The following CHMP3 variants were observed in gnomAD, a reference collection of about 807,000 sequenced individuals.
CHMP3 encodes charged multivesicular body protein 3.
In CHMP3, 8 loss-of-function variants were observed where a neutral mutation model predicts 27.4. That is an observed-to-expected ratio of 0.29 (90% confidence interval 0.17 to 0.53). CHMP3 has a LOEUF of 0.53. Among genes scored for constraint, CHMP3 ranks in the 20% least tolerant of loss-of-function variants. CHMP3 has a pLI of 0.96. For synonymous variants in CHMP3, 86 were observed against 85.5 expected, an observed-to-expected ratio of 1.01 and a Z score of -0.03; for missense variants, 208 against 271.5, an observed-to-expected ratio of 0.77 and a Z score of 1.64.
At chr2:86,546,912 T>C (rs1350681683) in intron 1 of CHMP3, among the ~76,000 whole-genome samples, 2 of 152,228 alleles carry the variant, frequency 1.3e-5, no homozygotes, top group Admixed American at 1.3e-4. Context: ...TTGCAAATAT[T>C]TTCTCCCATT....
At chr2:86,543,810 A>T (rs1226010144) in intron 1 of CHMP3, among the ~76,000 whole-genome samples, 3 of 152,244 alleles carry the variant, frequency 2.0e-5, no homozygotes, top group African/African-American at 7.2e-5. Context: ...CTGTGTGGTC[A>T]TACAAGTTTT....
intron 3 of CHMP3, among the ~76,000 whole-genome samples, chr2:86,527,734 G>T (rs774859634): frequency 1.3e-5 from 2 of 152,152 alleles, no homozygotes; most frequent in Non-Finnish European, 2.9e-5. Flanking sequence ...GCCGAGGAAG[G>T]TAGATCACCT....
intron 1 of CHMP3, among the ~76,000 whole-genome samples, chr2:86,547,822 C>G (rs895261806): frequency 1.1e-4 from 16 of 152,092 alleles, no homozygotes; most frequent in Non-Finnish European, 7.4e-5. Context: ...CAGAACATAA[C>G]GTGTACAGAA....
rs374830307 is a variant in CHMP3, at chr2:86,535,917, A to C, written c.106+6335T>G. Among the ~76,000 whole-genome samples, 12 of 152,322 alleles carry C rather than the reference A, an allele frequency of 7.9e-5. No homozygotes were observed. The East Asian group carries it at 1.7e-3, about 22-fold the overall frequency. ...TGTTACATTTAGGCACTATGTGTCC[A>C]AAAACAGACTACCTTTTATTTCTTA... On this transcript the variant is annotated intron_variant, in intron 2 of 5. Coordinates refer to ENST00000263856, the MANE Select transcript of CHMP3 (RefSeq NM_016079.4).
At chr2:86,531,369 CTTT>C (rs921872392) in intron 2 of CHMP3, among the ~76,000 whole-genome samples, 5 of 152,010 alleles carry the variant, frequency 3.3e-5, no homozygotes, top group Admixed American at 6.6e-5. Context: ...TTTGTCTACT[CTTT>C]TTTATTTTTT....
At chr2:86,548,495 G>A (rs1259659674) in intron 1 of CHMP3, among the ~76,000 whole-genome samples, 3 of 152,068 alleles carry the variant, frequency 2.0e-5, no homozygotes, top group Admixed American at 6.5e-5. Flanking sequence ...CAGAGAGCAC[G>A]GGGTTGGGGG....
chr2:86,506,626 C>CTTTT (rs973270185), intron 5 of CHMP3, among the ~76,000 whole-genome samples: 3 of 131,308 alleles, frequency 2.3e-5, no homozygotes, highest in Admixed American at 7.7e-5. Context: ...TGTTTCGAAC[C>CTTTT]TTTTTTTTTT....
chr2:86,522,706 C>T (rs545865497), intron 3 of CHMP3, among the ~76,000 whole-genome samples: 1 of 152,300 alleles, frequency 6.6e-6, no homozygotes, highest in South Asian at 2.1e-4. Context: ...ATTCCATTCC[C>T]CTACTCCACT....
intron 2 of CHMP3, among the ~76,000 whole-genome samples, chr2:86,530,141 C>T (rs538158308): frequency 2.6e-4 from 40 of 152,202 alleles, no homozygotes; most frequent in African/African-American, 9.4e-4. Flanking sequence ...TACAAGCACC[C>T]ACCACGATGC....
chr2:86,523,602 T>C (rs1573255778), intron 3 of CHMP3, among the ~76,000 whole-genome samples: 1 of 152,132 alleles, frequency 6.6e-6, no homozygotes, highest in Admixed American at 6.6e-5. Flanking sequence ...GCTCAGTCTA[T>C]ATGCCTGAAA....
rs560697109 is a variant in CHMP3 at position 86,511,527 on chromosome 2, ATTACTTTTATAAAT to A, written c.287-1062_287-1049del. 1.2e-3 allele frequency: 187 copies of A among 151,902 alleles called. 1 individual carries two copies. Among genetic ancestry groups the A allele is most frequent in the African/African-American group, 4.1e-3 (171 of 41,524 alleles). The allele number at this position is 151,902 out of a possible 1,614,324, so 9.4% of individuals were successfully genotyped here. On this transcript the variant is annotated intron_variant, in intron 3 of 5. Transcript: ENST00000263856. ...CCATTAAAATGATAAAAAAGTTATA[ATTACTTTTATAAAT>A]TTACTTTTATAAATTTATAAAATTT...
At chr2:86,529,443 A>G (rs779085199) in intron 2 of CHMP3, 46 bp from the exon 3 acceptor site, 1 of 1,506,440 alleles carries the variant, frequency 6.6e-7, no homozygotes, top group East Asian at 2.4e-5. Flanking sequence ...AGTCAGGTTT[A>G]TTGGCACTCA....
intron 1 of CHMP3, among the ~76,000 whole-genome samples, chr2:86,547,862 T>C (rs1340379741): frequency 6.6e-6 from 1 of 152,192 alleles, no homozygotes; most frequent in Admixed American, 6.5e-5. Context: ...TTAGACAATA[T>C]ATTTGAAAAC....
In CHMP3 at chr2:86,539,276, T is replaced by C. The variant is rs78254078; in HGVS notation, c.106+2976A>G. On this transcript the variant is annotated intron_variant, in intron 2 of 5. Transcript: ENST00000263856. Reference sequence around the variant, plus strand: ...CCCCTTTTTTGGTATCACCATCAAGTAGTGAAGTCTCTACTGCATGCCAGG... The same window carrying C: ...CCCCTTTTTTGGTATCACCATCAAGCAGTGAAGTCTCTACTGCATGCCAGG... Among the ~76,000 whole-genome samples, 1,052 of 152,240 alleles carry C rather than the reference T, an allele frequency of 6.9e-3. 21 individuals are homozygous for C. The highest frequency in any genetic ancestry group is 0.05 in the South Asian group (241 of 4,826).
At chr2:86,526,661 GCTCT>G (rs140412089) in intron 3 of CHMP3, among the ~76,000 whole-genome samples, 24 of 150,948 alleles carry the variant, frequency 1.6e-4, no homozygotes, top group East Asian at 7.8e-4. Flanking sequence ...ACTAGAGCAT[GCTCT>G]CTCTCTCTCT....
chr2:86,545,485 C>T (rs1267099363), intron 1 of CHMP3, among the ~76,000 whole-genome samples: 1 of 141,442 alleles, frequency 7.1e-6, no homozygotes, highest in Non-Finnish European at 1.5e-5. Flanking sequence ...AGAGGCGCTC[C>T]TCACATCCCA....
At chr2:86,546,596 C>T (rs945904153) in intron 1 of CHMP3, among the ~76,000 whole-genome samples, 2 of 152,038 alleles carry the variant, frequency 1.3e-5, no homozygotes, top group African/African-American at 4.8e-5. Context: ...CACCACCACA[C>T]CTGGCTAATT....
At position 86,535,651 on chromosome 2, in the gene CHMP3, C is replaced by T. The variant is rs370428077; in HGVS notation, c.107-6254G>A. ...CCTCCACAGTAGTTGCTATTACAGG[C>T]GCGCACCACACGCCCAGCTAATTTT... is the stretch of plus-strand genomic sequence containing the variant. On this transcript the variant is annotated intron_variant, in intron 2 of 5. Transcript: ENST00000263856. 9.9e-5 allele frequency among the ~76,000 whole-genome samples: 15 copies of T among 152,200 alleles called. 1 individual carries two copies. The South Asian group carries it at 1.0e-3, about 11-fold the overall frequency.
chr2:86,536,160 T>C (rs1349218645), intron 2 of CHMP3, among the ~76,000 whole-genome samples: 2 of 151,000 alleles, frequency 1.3e-5, no homozygotes, highest in Non-Finnish European at 3.0e-5. Flanking sequence ...TACGCCCGGC[T>C]AATTTTTTTT....
Sources: allele counts gnomAD v4.1 joint callset (sites outside exome capture counted in the v4.1 genomes callset), GRCh38; gene constraint gnomAD v4.1.1; transcripts MANE v1.5; gene names NCBI Gene and HGNC (gene_info 2026-07-23, HGNC 2026-07-21).